The following PPM1L variants were observed in gnomAD, a reference collection of about 807,000 sequenced individuals.
PPM1L encodes the protein protein phosphatase 1L.
Under a neutral mutation model 31.4 loss-of-function variants are expected in PPM1L, and 13 were observed. The observed-to-expected ratio is 0.41, with a 90% CI of 0.27 to 0.66. The LOEUF is 0.66. Ranked by LOEUF, PPM1L falls within the 30% of genes least tolerant of loss-of-function variation. The pLI, the probability that PPM1L is intolerant of heterozygous loss-of-function variation, is 0.29. For missense variants in PPM1L, 326 were observed against 453.7 expected (o/e 0.72, Z 2.56); for synonymous variants, 184 against 175.4 (o/e 1.05, Z -0.39).
At chr3:160,807,577 A>G (rs1250233569) in intron 1 of PPM1L, among the ~76,000 whole-genome samples, 1 of 152,174 alleles carries the variant, frequency 6.6e-6, no homozygotes, top group Non-Finnish European at 1.5e-5. Context: ...CAGAACATTA[A>G]CTGGTATCTG....
At chr3:160,944,335 A>C (rs949775750) in intron 1 of PPM1L, among the ~76,000 whole-genome samples, 1 of 151,856 alleles carries the variant, frequency 6.6e-6, no homozygotes, top group Non-Finnish European at 1.5e-5. Context: ...AAGTTGCTTA[A>C]GTTAGTTTTT....
intron 1 of PPM1L, among the ~76,000 whole-genome samples, chr3:160,796,091 C>G (rs1712239657): frequency 6.6e-6 from 1 of 152,144 alleles, no homozygotes; most frequent in Non-Finnish European, 1.5e-5. Flanking sequence ...TAGGAAAACC[C>G]TGGTCTGGGA....
intron 2 of PPM1L, among the ~76,000 whole-genome samples, chr3:161,058,731 T>A (rs953278928): frequency 2.6e-5 from 4 of 152,238 alleles, no homozygotes; most frequent in Admixed American, 2.6e-4. Flanking sequence ...ATTGCAAGTA[T>A]GTTTGTGAGC....
intron 1 of PPM1L, among the ~76,000 whole-genome samples, chr3:160,902,078 T>C (rs1326253824): frequency 6.6e-6 from 1 of 152,154 alleles, no homozygotes; most frequent in Non-Finnish European, 1.5e-5. Flanking sequence ...ATCTTTAAAA[T>C]AGAAATGCAT....
At position 160,938,312 on chromosome 3, in the gene PPM1L, G is replaced by C. The variant is rs560260668; in HGVS notation, c.400-23424G>C. On this transcript the variant is annotated intron_variant, in intron 1 of 3. Transcript: ENST00000498165. ...CACCAAAGCTAAGGTAGAGGTGTTG[G>C]AGAAACTTCCGTTTCAATGATACAT... 3.0e-4 allele frequency among the ~76,000 whole-genome samples: 45 copies of C among 152,254 alleles called. No individual in the cohort carries two copies. In the South Asian group the frequency reaches 5.4e-3, roughly 18 times the overall value.
chr3:160,945,422 C>T (rs1715378989), intron 1 of PPM1L, among the ~76,000 whole-genome samples: 1 of 152,042 alleles, frequency 6.6e-6, no homozygotes, highest in Non-Finnish European at 1.5e-5. Flanking sequence ...AAAGAGGTCT[C>T]ATCTCATGTG....
intron 1 of PPM1L, among the ~76,000 whole-genome samples, chr3:160,952,776 C>T (rs1576738586): frequency 1.3e-5 from 2 of 152,154 alleles, no homozygotes; most frequent in African/African-American, 4.8e-5. Flanking sequence ...TGTCCATTCA[C>T]AGTCAACACA....
chr3:160,912,380 A>C (rs565290387), intron 1 of PPM1L, among the ~76,000 whole-genome samples: 1 of 152,214 alleles, frequency 6.6e-6, no homozygotes, highest in Admixed American at 6.5e-5. Context: ...ATATTATCAC[A>C]TCTAACTCTG....
chr3:161,037,948 C>T (rs1718793498), intron 2 of PPM1L, among the ~76,000 whole-genome samples: 1 of 151,932 alleles, frequency 6.6e-6, no homozygotes, highest in East Asian at 2.0e-4. Flanking sequence ...AAATGTATGA[C>T]AGTGGCCGGG....
intron 2 of PPM1L, among the ~76,000 whole-genome samples, chr3:161,034,497 T>A (rs1158985329): frequency 1.3e-5 from 2 of 151,800 alleles, no homozygotes. Flanking sequence ...ATACACCATA[T>A]AATACCATGC....
At chr3:161,045,036 T>C (rs1719018034) in intron 2 of PPM1L, among the ~76,000 whole-genome samples, 1 of 152,146 alleles carries the variant, frequency 6.6e-6, no homozygotes, top group Non-Finnish European at 1.5e-5. Context: ...GGCCATTACA[T>C]AATGGTAAAG....
Position 160,883,413 on chromosome 3 carries a change from C to T in PPM1L, c.400-78323C>T, listed in dbSNP as rs186221825. Among the ~76,000 whole-genome samples, 284 of 152,174 alleles carry T rather than the reference C, an allele frequency of 1.9e-3. 1 individual carries two copies. Among genetic ancestry groups the T allele is most frequent in the African/African-American group, 6.2e-3 (259 of 41,526 alleles). On this transcript the variant is annotated intron_variant, in intron 1 of 3. Transcript: ENST00000498165. ...GCTGCATAGTAGCAAATTAAATGATCTGAAAAGTCCTGCAGTAAGCAACCA... is the reference window on the plus strand; with the variant it reads ...GCTGCATAGTAGCAAATTAAATGATTTGAAAAGTCCTGCAGTAAGCAACCA...
chr3:160,918,817 GAA>G (rs1460100586), intron 1 of PPM1L, among the ~76,000 whole-genome samples: 1 of 151,852 alleles, frequency 6.6e-6, no homozygotes, highest in Non-Finnish European at 1.5e-5. Flanking sequence ...TTTAAATCCA[GAA>G]AAGAGAAAAA....
chr3:160,980,767 G>A (rs1043309825), intron 2 of PPM1L, among the ~76,000 whole-genome samples: 5 of 150,240 alleles, frequency 3.3e-5, no homozygotes, highest in Middle Eastern at 3.4e-3. Context: ...AAGGAAAGAC[G>A]GAAAGAAAAG....
chr3:161,038,290 A>G (rs1718806268), intron 2 of PPM1L, among the ~76,000 whole-genome samples: 1 of 151,798 alleles, frequency 6.6e-6, no homozygotes, highest in Non-Finnish European at 1.5e-5. Flanking sequence ...GCAAATATCA[A>G]TAAACATAGT....
chr3:161,038,457 A>G (rs1467117677), intron 2 of PPM1L, among the ~76,000 whole-genome samples: 1 of 151,854 alleles, frequency 6.6e-6, no homozygotes, highest in Non-Finnish European at 1.5e-5. Context: ...AACTACAAGC[A>G]TGTGCCATCA....
At chr3:160,964,372 A>C (rs1271628943) in intron 2 of PPM1L, among the ~76,000 whole-genome samples, 1 of 151,938 alleles carries the variant, frequency 6.6e-6, no homozygotes, top group Non-Finnish European at 1.5e-5. Context: ...AGAGAAAAAA[A>C]TTTATGAAAA....
intron 3 of PPM1L, among the ~76,000 whole-genome samples, chr3:161,067,095 GAC>G (rs1327201589): frequency 2.6e-5 from 4 of 152,154 alleles, no homozygotes; most frequent in African/African-American, 7.2e-5. Flanking sequence ...GTGAAATTAA[GAC>G]ACAGTTAGCT....
At chr3:161,022,193 C>A (rs1260353697) in intron 2 of PPM1L, 3 of 669,096 alleles carry the variant, frequency 4.5e-6, no homozygotes, top group African/African-American at 1.8e-5. Context: ...GCAAGTAACA[C>A]CTTAGCTTCA....
Sources: gnomAD v4.1 joint callset for allele counts (sites outside exome capture counted in the v4.1 genomes callset) on GRCh38, gnomAD v4.1.1 for gene constraint, MANE v1.5 for transcripts, NCBI Gene and HGNC (gene_info 2026-07-23, HGNC 2026-07-21) for gene names.